The following PARP8 variants were observed in gnomAD, a reference collection of about 807,000 sequenced individuals.
PARP8 encodes the protein poly(ADP-ribose) polymerase family member 8.
Under a neutral mutation model 124.1 loss-of-function variants are expected in PARP8, and 51 were observed. The observed-to-expected ratio is 0.41, with a 90% CI of 0.33 to 0.52. The LOEUF (loss-of-function observed/expected upper bound fraction) is 0.52, where lower values mean the gene tolerates loss of function less well. PARP8 is among the 20% of genes least tolerant of loss of function. The pLI, the probability that PARP8 is intolerant of heterozygous loss-of-function variation, is 0.21. For synonymous variants in PARP8, 391 were observed against 361.5 expected (o/e 1.08, Z -0.93); for missense variants, 860 against 1,018.9 (o/e 0.84, Z 2.12).
At chr5:50,748,195 GT>G (rs1758826493) in intron 2 of PARP8, among the ~76,000 whole-genome samples, 1 of 70,954 alleles carries the variant, frequency 1.4e-5, no homozygotes, top group Non-Finnish European at 2.7e-5. Flanking sequence ...TAAGCAGTTT[GT>G]GTGTGTGTGT....
At chr5:50,831,464 G>A (rs574334450) in intron 22 of PARP8, among the ~76,000 whole-genome samples, 4 of 152,230 alleles carry the variant, frequency 2.6e-5, no homozygotes, top group Admixed American at 1.3e-4. Flanking sequence ...TACTGTTTCA[G>A]TGATCTCTGA....
intron 2 of PARP8, among the ~76,000 whole-genome samples, chr5:50,727,505 G>T (rs1460578124): frequency 1.3e-5 from 2 of 152,166 alleles, no homozygotes; most frequent in Admixed American, 6.6e-5. Flanking sequence ...TTGTTCAAAA[G>T]TAAAATACTT....
At chr5:50,668,914 T>A (rs1247409686) in intron 2 of PARP8, 1 of 152,244 alleles carries the variant, frequency 6.6e-6, no homozygotes, top group Non-Finnish European at 1.5e-5. Context: ...TAGAGGGAAT[T>A]CCTTAGACCA....
chr5:50,757,253 T>G (rs761434008), intron 3 of PARP8: 9 of 438,346 alleles, frequency 2.1e-5, no homozygotes, highest in Non-Finnish European at 4.1e-5. Context: ...TAGAGACCTA[T>G]CAAGACTGAA....
At chr5:50,727,242 C>G (rs764429596) in intron 2 of PARP8, among the ~76,000 whole-genome samples, 1 of 152,078 alleles carries the variant, frequency 6.6e-6, no homozygotes, top group Non-Finnish European at 1.5e-5. Context: ...CTTCCTTGTA[C>G]TAAGAACTGC....
intron 2 of PARP8, among the ~76,000 whole-genome samples, chr5:50,680,788 C>T (rs1207602883): frequency 6.6e-6 from 1 of 152,106 alleles, no homozygotes; most frequent in East Asian, 1.9e-4. Flanking sequence ...TAAAATCAGA[C>T]TCAAGTAAGA....
chr5:50,721,515 C>T (rs1356802661), intron 2 of PARP8, among the ~76,000 whole-genome samples: 2 of 152,006 alleles, frequency 1.3e-5, no homozygotes, highest in Non-Finnish European at 2.9e-5. Flanking sequence ...ATCTTCCCCT[C>T]CCATTTTTTT....
chr5:50,731,331 G>A (rs1384195663), intron 2 of PARP8, among the ~76,000 whole-genome samples: 1 of 152,016 alleles, frequency 6.6e-6, no homozygotes, highest in Admixed American at 6.6e-5. Flanking sequence ...TTTCAATTGA[G>A]TTCTCTTTTG....
intron 25 of PARP8, among the ~76,000 whole-genome samples, chr5:50,839,703 T>A (rs1021434096): frequency 6.6e-6 from 1 of 151,818 alleles, no homozygotes; most frequent in African/African-American, 2.4e-5. Flanking sequence ...GTTCTCACTC[T>A]TGCCTTCACT....
intron 2 of PARP8, among the ~76,000 whole-genome samples, chr5:50,734,221 C>A (rs1015118515): frequency 3.9e-5 from 6 of 152,032 alleles, no homozygotes; most frequent in African/African-American, 1.4e-4. Flanking sequence ...TATGTGAAAT[C>A]TATATGTTAT....
intron 21 of PARP8, 36 bp downstream of exon 21, chr5:50,828,420 T>G: frequency 6.4e-7 from 1 of 1,560,050 alleles, no homozygotes; most frequent in Non-Finnish European, 8.8e-7. Flanking sequence ...GACTTCATTC[T>G]TCTTCAGAAT....
Position 50,818,431 on chromosome 5 carries a change from T to C in PARP8, c.1669-2782T>C, listed in dbSNP as rs74424728. On this transcript the variant is annotated intron_variant, in intron 15 of 25. Transcript: ENST00000281631. ...TTTTTGTGGAGACAGGATTTGGCCATCTTGGCCACGCTGGTCTTGAACTCC... is the reference window on the plus strand; with the variant it reads ...TTTTTGTGGAGACAGGATTTGGCCACCTTGGCCACGCTGGTCTTGAACTCC... Among the ~76,000 whole-genome samples, 1,042 of 152,284 alleles carry C rather than the reference T, an allele frequency of 6.8e-3. 8 individuals are homozygous for C. The highest frequency in any genetic ancestry group is 0.039 in the East Asian group (201 of 5,168).
rs543623487 is a variant in PARP8, at chr5:50,684,028, A to T, written c.146+15903A>T. Among the ~76,000 whole-genome samples the T allele has an allele frequency of 2.0e-5, 3 of 152,190 alleles. No homozygotes were observed. The East Asian group carries it at 5.8e-4, about 29-fold the overall frequency. On this transcript the variant is annotated intron_variant, in intron 2 of 25. Coordinates refer to ENST00000281631, the MANE Select transcript of PARP8 (RefSeq NM_024615.4). ...CATATAAAACTGTACACAATTTCCT[A>T]TGAGGCTGGTGAAGGTTTCTTAGCT...
intron 2 of PARP8, among the ~76,000 whole-genome samples, chr5:50,696,581 T>C (rs1011308764): frequency 8.5e-5 from 13 of 152,190 alleles, no homozygotes; most frequent in Admixed American, 7.9e-4. Context: ...CTCTTCATTT[T>C]CCCTTTGCTC....
intron 14 of PARP8, among the ~76,000 whole-genome samples, chr5:50,809,139 T>C (rs1304456818): frequency 6.6e-6 from 1 of 152,088 alleles, no homozygotes; most frequent in African/African-American, 2.4e-5. Context: ...TGATCCTGTA[T>C]CTTACTGTGG....
intron 2 of PARP8, among the ~76,000 whole-genome samples, chr5:50,715,366 C>T (rs2149494030): frequency 6.6e-6 from 1 of 152,096 alleles, no homozygotes; most frequent in Non-Finnish European, 1.5e-5. Flanking sequence ...TATGAATTCA[C>T]CTATATTTTT....
At chr5:50,700,433 G>A (rs1375090662) in intron 2 of PARP8, among the ~76,000 whole-genome samples, 1 of 152,114 alleles carries the variant, frequency 6.6e-6, no homozygotes, top group Non-Finnish European at 1.5e-5. Flanking sequence ...GTAGCCTGTG[G>A]TTTCTAATCG....
At chr5:50,815,604 A>G (rs1745014011) in intron 15 of PARP8, 80 bp downstream of exon 15, 1 of 969,268 alleles carries the variant, frequency 1.0e-6, no homozygotes, top group Non-Finnish European at 1.5e-6. Context: ...TCATTCTGCT[A>G]TTCTTTGGGG....
At chr5:50,696,198 T>C (rs781300264) in intron 2 of PARP8, among the ~76,000 whole-genome samples, 42 of 152,210 alleles carry the variant, frequency 2.8e-4, no homozygotes, top group Non-Finnish European at 1.0e-4. Flanking sequence ...CTTTTATTAG[T>C]GTATCATCAC....
Sources: allele counts gnomAD v4.1 joint callset (sites outside exome capture counted in the v4.1 genomes callset), GRCh38; gene constraint gnomAD v4.1.1; transcripts MANE v1.5; gene names NCBI Gene and HGNC (gene_info 2026-07-23, HGNC 2026-07-21).